Variants in RBM23 observed in about 807,000 individuals in gnomAD.
RBM23 encodes probable RNA-binding protein 23.
A neutral mutation model predicts 56.2 loss-of-function variants in RBM23; 53 were observed. The ratio of observed to expected loss-of-function variants is 0.94; its 90% CI spans 0.76 to 1.19. RBM23 has a LOEUF of 1.19. Among genes scored for constraint, RBM23 ranks in the 50% most tolerant of loss-of-function variants. The pLI, the probability that RBM23 is intolerant of heterozygous loss-of-function variation, is 0.00. For missense variants in RBM23, 642 were observed against 590.3 expected, an observed-to-expected ratio of 1.09 and a Z score of -0.91; for synonymous variants, 197 against 198.5, an observed-to-expected ratio of 0.99 and a Z score of 0.06.
Position 22,906,189 on chromosome 14 carries a change from T to C in RBM23, c.401+6A>G, listed in dbSNP as rs1417441701. 6 of 1,613,670 alleles carry C rather than the reference T, an allele frequency of 3.7e-6. No individual in the cohort carries two copies. Among genetic ancestry groups the C allele is most frequent in the Non-Finnish European group, 5.1e-6 (6 of 1,179,690 alleles). ...CAAAAGTGAATCTATTAGCAAAAAGTGATACCCAGTGGCAAGTGGAGGACT... is the reference window on the plus strand; with the variant it reads ...CAAAAGTGAATCTATTAGCAAAAAGCGATACCCAGTGGCAAGTGGAGGACT... On this transcript the variant is annotated splice_donor_region_variant and intron_variant, in intron 5 of 13. Coordinates refer to ENST00000359890, the MANE Select transcript of RBM23 (RefSeq NM_001077351.2).
At position 22,900,948 on chromosome 14, in the gene RBM23, ATCC is replaced by A. The variant is rs1220765067; in HGVS notation, c.*779_*781del. On this transcript the variant is annotated 3_prime_UTR_variant, in exon 14 of 14. Transcript: ENST00000359890. ...AGTGGTAGAGTAGCAGCCTCCCTCCATCCTCCTACCTCGGGCCAAAGGGAGGAA... is the reference window on the plus strand; with the variant it reads ...AGTGGTAGAGTAGCAGCCTCCCTCCATCCTACCTCGGGCCAAAGGGAGGAA... 1 of 152,148 alleles carries A rather than the reference ATCC, an allele frequency of 6.6e-6. No individual in the cohort carries two copies. 9.4% of individuals were successfully genotyped at this position (152,148 alleles called of 1,614,324 possible). A position where few individuals can be genotyped will look rare whatever the true frequency, so the allele number is the denominator to read the frequency against.
Position 22,895,930 on chromosome 14 carries a change from A to G in RBM23, c.*5800T>C, listed in dbSNP as rs2040241618. On this transcript the variant is annotated 3_prime_UTR_variant, in exon 14 of 14. Coordinates refer to ENST00000359890, the MANE Select transcript of RBM23 (RefSeq NM_001077351.2). The stretch of plus-strand genomic sequence containing the variant: ...TATGTGGACAGAGCCTCAAGCATAA[A>G]GAGATTGGGCTAGTGGGATCTGTTT... The G allele has an allele frequency of 6.6e-6, 1 of 152,226 alleles. No homozygotes were observed. The highest frequency in any genetic ancestry group is 2.1e-4 in the South Asian group (1 of 4,834). The allele number at this position is 152,226 out of a possible 1,614,324, so 9.4% of individuals were successfully genotyped here. A position where few individuals can be genotyped will look rare whatever the true frequency, so the allele number is the denominator to read the frequency against.
Position 22,901,786 on chromosome 14 carries a change from C to G in RBM23, c.1316+28G>C, listed in dbSNP as rs2040518262. On this transcript the variant is annotated intron_variant, in intron 13 of 13. Transcript: ENST00000359890. ...CCAAAGGAAAGAGAATAATCAAAGG[C>G]TAGAATGAGCTAGACCCTGAGACTC... is the stretch of plus-strand genomic sequence containing the variant. 3 of 1,613,980 alleles carry G rather than the reference C, an allele frequency of 1.9e-6. No individual in the cohort carries two copies. The East Asian group carries it at 6.7e-5, about 36-fold the overall frequency.
chr14:22,903,063 T>G, intron 10 of RBM23: 1 of 985,264 alleles, frequency 1.0e-6, no homozygotes. Context: ...ATTACAGGTG[T>G]GAGCCACCGC....
Position 22,901,361 on chromosome 14 carries a change from GGA to G in RBM23, c.*367_*368del, listed in dbSNP as rs1566515910. The G allele has an allele frequency of 7.3e-6, 2 of 274,944 alleles. No homozygotes were observed. The highest frequency in any genetic ancestry group is 6.3e-5 in the African/African-American group (2 of 31,656). The allele number at this position is 274,944 out of a possible 1,614,324, so 17.0% of individuals were successfully genotyped here. ...ACTAAAGGTTAAAGGTACAGGAAAAGGAGAGAGGTCAGTTCCTTCAGTATGCC... is the reference window on the plus strand; with the variant it reads ...ACTAAAGGTTAAAGGTACAGGAAAAGGAGAGGTCAGTTCCTTCAGTATGCC... On this transcript the variant is annotated 3_prime_UTR_variant, in exon 14 of 14. Coordinates refer to ENST00000359890, the MANE Select transcript of RBM23 (RefSeq NM_001077351.2).
In RBM23 at chr14:22,918,990, G is replaced by T. The variant is rs1056868112; in HGVS notation, c.-11+9C>A. ...CGTCTGGTGGGGACCGGGTTTTGGGGTTTCTCACCAGTTCCGGGTCCCCGC... is the reference window on the plus strand; with the variant it reads ...CGTCTGGTGGGGACCGGGTTTTGGGTTTTCTCACCAGTTCCGGGTCCCCGC... On this transcript the variant is annotated intron_variant, in intron 1 of 13. Coordinates refer to ENST00000359890, the MANE Select transcript of RBM23 (RefSeq NM_001077351.2). 1 of 152,178 alleles carries T rather than the reference G, an allele frequency of 6.6e-6. No individual in the cohort carries two copies. Among genetic ancestry groups the T allele is most frequent in the African/African-American group, 2.4e-5 (1 of 41,452 alleles). 9.4% of individuals were successfully genotyped at this position (152,178 alleles called of 1,614,324 possible).
rs563376880 is a variant in RBM23 at position 22,900,533 on chromosome 14, G to A, written c.*1197C>T. The A allele has an allele frequency of 3.3e-5, 5 of 152,332 alleles. No homozygotes were observed. Among genetic ancestry groups the A allele is most frequent in the East Asian group, 1.9e-4 (1 of 5,186 alleles). 9.4% of individuals were successfully genotyped at this position (152,332 alleles called of 1,614,324 possible). A position where few individuals can be genotyped will look rare whatever the true frequency, so the allele number is the denominator to read the frequency against. Reference sequence around the variant, plus strand: ...GATGGAGATAGTTAGGATGAAGATAGATGGAGAAGACAACCATAGATCAAC... The same window carrying A: ...GATGGAGATAGTTAGGATGAAGATAAATGGAGAAGACAACCATAGATCAAC... On this transcript the variant is annotated 3_prime_UTR_variant, in exon 14 of 14. Coordinates refer to ENST00000359890, the MANE Select transcript of RBM23 (RefSeq NM_001077351.2).
rs149533251 is a variant in RBM23, at chr14:22,898,926, T to C, written c.*2804A>G. On this transcript the variant is annotated 3_prime_UTR_variant, in exon 14 of 14. Coordinates refer to ENST00000359890, the MANE Select transcript of RBM23 (RefSeq NM_001077351.2). ...CAATAACTGTAGGGGTGCTGGGTCA[T>C]AGCCAGCAGCTTCTACCTAAAAATA... 22 of 152,272 alleles carry C rather than the reference T, an allele frequency of 1.4e-4. No homozygotes were observed. The East Asian group carries it at 4.3e-3, about 29-fold the overall frequency. The allele number at this position is 152,272 out of a possible 1,614,324, so 9.4% of individuals were successfully genotyped here.
chr14:22,914,698 T>C (rs1286205901), intron 1 of RBM23, among the ~76,000 whole-genome samples: 1 of 151,830 alleles, frequency 6.6e-6, no homozygotes, highest in Non-Finnish European at 1.5e-5. Flanking sequence ...GTAAGAACTT[T>C]GTTGGCCAGC....
In RBM23 at chr14:22,901,893, A is replaced by G. The variant is rs775111112; in HGVS notation, c.1247-10T>C. On this transcript the variant is annotated splice_polypyrimidine_tract_variant and intron_variant, in intron 12 of 13. Transcript: ENST00000359890. ...AGGGCTGGACTCAGAGCTAGAACAA[A>G]GACAGGCAGAGTGAGTGAGCAAGCA... 6 of 1,614,120 alleles carry G rather than the reference A, an allele frequency of 3.7e-6. No homozygotes were observed. The highest frequency in any genetic ancestry group is 5.1e-6 in the Non-Finnish European group (6 of 1,180,040).
chr14:22,902,356 C>A lies in RBM23; in HGVS notation c.957G>T (p.Arg319=). The A allele has an allele frequency of 6.2e-7, 1 of 1,613,560 alleles. No homozygotes were observed. Among genetic ancestry groups the A allele is most frequent in the South Asian group, 1.1e-5 (1 of 91,064 alleles). Residue 319 remains arginine, a synonymous_variant, in exon 11 of 14, where the codon CGG becomes CGT. Transcript: ENST00000359890. ...CAAACCCATTCAACTGTTCCAGGGCCCGCCGGGCACACTCAGAATCAGAGA... is the reference window on the plus strand; with the variant it reads ...CAAACCCATTCAACTGTTCCAGGGCACGCCGGGCACACTCAGAATCAGAGA... The part of the protein sequence containing the change: ...ITFSDSECAR[R]ALEQLNGFEL...
Position 22,901,578 on chromosome 14 carries a change from G to A in RBM23, c.*152C>T. 1 of 1,124,018 alleles carries A rather than the reference G, an allele frequency of 8.9e-7. No individual in the cohort carries two copies. The highest frequency in any genetic ancestry group is 1.3e-6 in the Non-Finnish European group (1 of 776,282). 69.6% of individuals were successfully genotyped at this position (1,124,018 alleles called of 1,614,324 possible). On this transcript the variant is annotated 3_prime_UTR_variant, in exon 14 of 14. Coordinates refer to ENST00000359890, the MANE Select transcript of RBM23 (RefSeq NM_001077351.2). ...GGGACCATGGGCAGGAGCTTTTCTTGGTATCTTAAGGGTGGCCCCAATTTC... is the reference window on the plus strand; with the variant it reads ...GGGACCATGGGCAGGAGCTTTTCTTAGTATCTTAAGGGTGGCCCCAATTTC...
intron 1 of RBM23, among the ~76,000 whole-genome samples, chr14:22,912,748 G>C (rs2042747444): frequency 6.6e-6 from 1 of 151,944 alleles, no homozygotes. Context: ...CCAGCACTTT[G>C]GGAGGCCGAG....
rs780816922 is a variant in RBM23 at position 22,902,288 on chromosome 14, C to T, written c.1025G>A (p.Arg342Gln). 6 of 1,614,164 alleles carry T rather than the reference C, an allele frequency of 3.7e-6. No homozygotes were observed. The highest frequency in any genetic ancestry group is 2.2e-5 in the South Asian group (2 of 91,080). Residue 342 changes from arginine (R) to glutamine (Q), a missense_variant, in exon 11 of 14, where the codon CGA becomes CAA. By Grantham distance (43) the Arg-to-Gln change is conservative. Transcript: ENST00000359890. ...AGTGATGTCTGTGCCACCATCCAGTCGCTCAGTCACATGGCCAACCCTCAT... is the reference window on the plus strand; with the variant it reads ...AGTGATGTCTGTGCCACCATCCAGTTGCTCAGTCACATGGCCAACCCTCAT... ...RPMRVGHVTE[R>Q]LDGGTDITFP...
At chr14:22,911,452 C>T (rs2139060131) in intron 1 of RBM23, 49 bp from the exon 2 acceptor site, 1 of 1,465,710 alleles carries the variant, frequency 6.8e-7, no homozygotes, top group Non-Finnish European at 9.5e-7. Context: ...ATTTTTCCTC[C>T]CTTTCCAGCA....
Position 22,904,312 on chromosome 14 carries a change from G to A in RBM23, c.879C>T (p.Val293=). The change falls in exon 10 of 14, where the codon GTC becomes GTT. Residue 293 remains valine, a synonymous_variant. Coordinates refer to ENST00000359890, the MANE Select transcript of RBM23 (RefSeq NM_001077351.2). The stretch of plus-strand genomic sequence containing the variant: ...GGCCTGTATCTGAGTCCTTCATCAG[G>A]ACAATATTATCAATCTGTAGAAGAG... ...FEPFGKIDNI[V]LMKDSDTGRS... 3 of 1,608,882 alleles carry A rather than the reference G, an allele frequency of 1.9e-6. No homozygotes were observed. The South Asian group carries it at 3.3e-5, about 18-fold the overall frequency.
chr14:22,902,061 C>G lies in RBM23; in HGVS notation c.1165G>C (p.Ala389Pro). ...GCAGCAGCCTGGGCGGCGGCGGCAG[C>G]AGCAGCAGCAGCAGTGCTTGGCAGT... ...IQLPSTAAAA[A>P]AAAAQAAALQ... is the part of the protein sequence containing the mutation. The change falls in exon 12 of 14, where the codon GCT becomes CCT. Residue 389 changes from alanine to proline, a missense_variant. Physicochemically the swap from Ala to Pro is conservative, Grantham distance 27. Coordinates refer to ENST00000359890, the MANE Select transcript of RBM23 (RefSeq NM_001077351.2). 6.3e-7 allele frequency: 1 copy of G among 1,588,712 alleles called. No individual in the cohort carries two copies. The highest frequency in any genetic ancestry group is 8.6e-7 in the Non-Finnish European group (1 of 1,158,514).
Position 22,902,056 on chromosome 14 carries a change from G to GGCA in RBM23, c.1167_1169dup (p.Ala393dup), listed in dbSNP as rs376457710. The GGCA allele has an allele frequency of 0.025, 40,849 of 1,605,830 alleles. 613 individuals carry two copies. The highest frequency in any genetic ancestry group is 0.079 in the South Asian group (7,084 of 90,058). Reference sequence around the variant, plus strand: ...GCAAGGCAGCAGCCTGGGCGGCGGCGGCAGCAGCAGCAGCAGCAGTGCTTG... The same window carrying GGCA: ...GCAAGGCAGCAGCCTGGGCGGCGGCGGCAGCAGCAGCAGCAGCAGCAGTGCTTG... On this transcript the variant is annotated inframe_insertion, in exon 12 of 14. Coordinates refer to ENST00000359890, the MANE Select transcript of RBM23 (RefSeq NM_001077351.2).
chr14:22,912,460 C>A (rs1249370632), intron 1 of RBM23, among the ~76,000 whole-genome samples: 1 of 152,144 alleles, frequency 6.6e-6, no homozygotes, highest in Non-Finnish European at 1.5e-5. Context: ...AACGTGCCTC[C>A]CCAAGCTTTC....
Sources: allele counts gnomAD v4.1 joint callset (sites outside exome capture counted in the v4.1 genomes callset), GRCh38; gene constraint gnomAD v4.1.1; transcripts MANE v1.5; gene names NCBI Gene and HGNC (gene_info 2026-07-23, HGNC 2026-07-21).